AKR1D1: variants seen among roughly 807,000 people sequenced by gnomAD.
AKR1D1 encodes the protein aldo-keto reductase family 1 member D1.
In AKR1D1, 32 loss-of-function variants were observed where a neutral mutation model predicts 42.6. The observed-to-expected ratio is 0.75, with a 90% CI of 0.57 to 1.01. AKR1D1 has a LOEUF of 1.01. AKR1D1 is among the 50% of genes least tolerant of loss of function. The pLI, the probability that AKR1D1 is intolerant of heterozygous loss-of-function variation, is 0.00. For missense variants in AKR1D1, 364 were observed against 402.2 expected (o/e 0.91, Z 0.81); for synonymous variants, 123 against 135.5 (o/e 0.91, Z 0.64).
chr7:138,105,352 G>A lies in AKR1D1; in HGVS notation c.502G>A (p.Val168Met), dbSNP rs1253925779. 1 of 1,614,146 alleles carries A rather than the reference G, an allele frequency of 6.2e-7. No homozygotes were observed. The highest frequency in any genetic ancestry group is 1.7e-5 in the Admixed American group (1 of 60,024). The change falls in exon 5 of 9, where the codon GTG becomes ATG. Residue 168 changes from valine (V) to methionine (M), a missense_variant. Coordinates refer to ENST00000242375, the MANE Select transcript of AKR1D1 (RefSeq NM_005989.4). ...KDAGLVKSLG[V>M]SNFNRRQLEL... ...CGCTGGCTTGGTGAAATCCCTGGGA[G>A]TGTCCAATTTTAACCGCAGGCAGCT...
rs201752860 is a variant in AKR1D1 at position 138,088,656 on chromosome 7, G to A, written c.149G>A (p.Arg50Gln). Residue 50 changes from arginine to glutamine, a missense_variant, in exon 2 of 9, where the codon CGA becomes CAA. Arg to Gln is a conservative substitution (Grantham distance 43). Transcript: ENST00000242375. ...SVKVAIDTGY[R>Q]HIDGAYIYQN... The stretch of plus-strand genomic sequence containing the variant: ...AAGGTTGCTATTGACACAGGGTACC[G>A]ACATATTGATGGGGCCTACATCTAC... 1.3e-4 allele frequency: 206 copies of A among 1,613,954 alleles called. No individual in the cohort carries two copies. Among genetic ancestry groups the A allele is most frequent in the East Asian group, 1.6e-4 (7 of 44,888 alleles).
chr7:138,105,465 T>A lies in AKR1D1; in HGVS notation c.579+36T>A, dbSNP rs1554392864. 3.7e-6 allele frequency: 6 copies of A among 1,611,928 alleles called. No homozygotes were observed. In the South Asian group the frequency reaches 6.6e-5, roughly 18 times the overall value. ...ATAGCTTCCACTAGGGTGTGGGGAG[T>A]GGGGGCAGGATTTACATGACACAAA... On this transcript the variant is annotated intron_variant, in intron 5 of 8. Coordinates refer to ENST00000242375, the MANE Select transcript of AKR1D1 (RefSeq NM_005989.4).
At chr7:138,096,698 C>G (rs1794190412) in intron 3 of AKR1D1, among the ~76,000 whole-genome samples, 2 of 152,204 alleles carry the variant, frequency 1.3e-5, no homozygotes, top group South Asian at 4.1e-4. Flanking sequence ...CTACCACCTT[C>G]TTCTGTAAAC....
intron 5 of AKR1D1, among the ~76,000 whole-genome samples, chr7:138,106,343 A>G (rs1414116082): frequency 1.3e-5 from 2 of 152,256 alleles, no homozygotes; most frequent in Non-Finnish European, 2.9e-5. Flanking sequence ...TGGAAACAAC[A>G]TAATACAAAA....
At chr7:138,078,942 G>A (rs1313207724) in intron 1 of AKR1D1, among the ~76,000 whole-genome samples, 1 of 152,078 alleles carries the variant, frequency 6.6e-6, no homozygotes, top group Non-Finnish European at 1.5e-5. Flanking sequence ...GGGGGTGCAG[G>A]GCTCAGAACC....
intron 3 of AKR1D1, among the ~76,000 whole-genome samples, chr7:138,096,597 C>T (rs1794188241): frequency 1.3e-5 from 2 of 152,218 alleles, no homozygotes; most frequent in Non-Finnish European, 2.9e-5. Flanking sequence ...ATAAGAAAAT[C>T]CCTATTACCA....
At chr7:138,086,613 C>A (rs1001064721) in intron 1 of AKR1D1, among the ~76,000 whole-genome samples, 2 of 152,176 alleles carry the variant, frequency 1.3e-5, no homozygotes, top group African/African-American at 4.8e-5. Context: ...CTTTCTATAT[C>A]CTGCCCAGGA....
At chr7:138,101,975 C>A (rs1794327477) in intron 4 of AKR1D1, among the ~76,000 whole-genome samples, 1 of 152,144 alleles carries the variant, frequency 6.6e-6, no homozygotes, top group Non-Finnish European at 1.5e-5. Context: ...CTTTGGGAGG[C>A]CATGGCAGGT....
chr7:138,083,948 A>G (rs900269029), intron 1 of AKR1D1, among the ~76,000 whole-genome samples: 1 of 152,138 alleles, frequency 6.6e-6, no homozygotes, highest in Non-Finnish European at 1.5e-5. Flanking sequence ...GTGAGCGAGC[A>G]TCAAGGGTGA....
At position 138,091,677 on chromosome 7, in the gene AKR1D1, A is replaced by AG. The variant is rs568836645; in HGVS notation, c.262-91_262-90insG. 4.8e-3 allele frequency: 4,994 copies of AG among 1,038,968 alleles called. 143 individuals are homozygous for AG. The African/African-American group carries it at 0.07, about 15-fold the overall frequency. The allele number at this position is 1,038,968 out of a possible 1,614,324, so 64.4% of individuals were successfully genotyped here. A position where few individuals can be genotyped will look rare whatever the true frequency, so the allele number is the denominator to read the frequency against. On this transcript the variant is annotated intron_variant, in intron 2 of 8. Coordinates refer to ENST00000242375, the MANE Select transcript of AKR1D1 (RefSeq NM_005989.4). ...AGACCCCCCATCTCAAAAAAAAAAA[A>AG]TGTGTACGAGTGTTTTACAAAGAAA...
chr7:138,100,894 C>T (rs1171502162), intron 4 of AKR1D1, among the ~76,000 whole-genome samples: 21 of 151,408 alleles, frequency 1.4e-4, no homozygotes, highest in Admixed American at 4.6e-4. Context: ...TTAGTAGAGA[C>T]GGGGTTTCAC....
In AKR1D1 at chr7:138,106,641, C is replaced by G; in HGVS notation, c.613C>G (p.Leu205Val). ...CCATCCGTATTTCACCCAGCCAAAA[C>G]TCTTGAAATTTTGCCAACAACATGA... ...ECHPYFTQPK[L>V]LKFCQQHDIV... Residue 205 changes from leucine (L) to valine (V), a missense_variant, in exon 6 of 9, where the codon CTC becomes GTC. Coordinates refer to ENST00000242375, the MANE Select transcript of AKR1D1 (RefSeq NM_005989.4). 6.2e-7 allele frequency: 1 copy of G among 1,614,156 alleles called. No individual in the cohort carries two copies.
At chr7:138,095,914 C>T (rs1259514804) in intron 3 of AKR1D1, among the ~76,000 whole-genome samples, 1 of 151,882 alleles carries the variant, frequency 6.6e-6, no homozygotes, top group Non-Finnish European at 1.5e-5. Context: ...TAAAAGCATG[C>T]CTGAGGCCTG....
rs1279859181 is a variant in AKR1D1, at chr7:138,106,697, G to T, written c.669G>T (p.Gly223=). Residue 223 remains glycine (G), a synonymous_variant, in exon 6 of 9, where the codon GGG becomes GGT. Transcript: ENST00000242375. The part of the protein sequence containing the change: ...DIVITAYSPL[G]TSRNPIWVNV... Reference sequence around the variant, plus strand: ...TCATTACTGCATATAGCCCTTTGGGGACCAGTAGGAATCCAATCTGGTAAG... The same window carrying T: ...TCATTACTGCATATAGCCCTTTGGGTACCAGTAGGAATCCAATCTGGTAAG... 1.6e-5 allele frequency: 26 copies of T among 1,612,308 alleles called. No homozygotes were observed. Among genetic ancestry groups the T allele is most frequent in the Non-Finnish European group, 2.2e-5 (26 of 1,178,338 alleles).
intron 7 of AKR1D1, among the ~76,000 whole-genome samples, chr7:138,108,308 C>G (rs1190847897): frequency 6.6e-6 from 1 of 152,040 alleles, no homozygotes; most frequent in Non-Finnish European, 1.5e-5. Context: ...TAGAAAAGTG[C>G]CATACAAAAT....
chr7:138,100,300 T>C (rs1163715340), intron 4 of AKR1D1, among the ~76,000 whole-genome samples: 2 of 151,856 alleles, frequency 1.3e-5, no homozygotes, highest in East Asian at 3.9e-4. Flanking sequence ...CTAATATCAA[T>C]AATTGCAGTA....
intron 3 of AKR1D1, among the ~76,000 whole-genome samples, chr7:138,096,803 C>G (rs1562934434): frequency 6.6e-6 from 1 of 152,100 alleles, no homozygotes; most frequent in African/African-American, 2.4e-5. Flanking sequence ...TATGCCCAGT[C>G]CTCTACCCTC....
chr7:138,109,551 C>G (rs1010544366), intron 7 of AKR1D1, among the ~76,000 whole-genome samples: 1 of 152,178 alleles, frequency 6.6e-6, no homozygotes, highest in African/African-American at 2.4e-5. Context: ...GTAGGATACC[C>G]TGACCCCAGG....
rs545456951 is a variant in AKR1D1, at chr7:138,103,743, C to T, written c.457-1564C>T. On this transcript the variant is annotated intron_variant, in intron 4 of 8. Coordinates refer to ENST00000242375, the MANE Select transcript of AKR1D1 (RefSeq NM_005989.4). ...ATTATTAGGGATAAAAAGAGTTGTG[C>T]GTGAAGATGAAAGATTGAATTTACC... Among the ~76,000 whole-genome samples, 20 of 151,978 alleles carry T rather than the reference C, an allele frequency of 1.3e-4. No individual in the cohort carries two copies. The South Asian group carries it at 2.7e-3, about 21-fold the overall frequency.
Sources: allele counts gnomAD v4.1 joint callset (sites outside exome capture counted in the v4.1 genomes callset), GRCh38; gene constraint gnomAD v4.1.1; transcripts MANE v1.5; gene names NCBI Gene and HGNC (gene_info 2026-07-23, HGNC 2026-07-21).